The following CCDC66 variants were observed in gnomAD, a reference collection of about 807,000 sequenced individuals.
CCDC66 encodes coiled-coil domain-containing protein 66.
CCDC66 carries 133 observed loss-of-function variants against 128.3 expected under a neutral mutation model. The ratio of observed to expected loss-of-function variants is 1.04; its 90% confidence interval spans 0.90 to 1.20. The LOEUF (loss-of-function observed/expected upper bound fraction) is 1.20. CCDC66 is among the 50% of genes most tolerant of loss of function. The probability of loss-of-function intolerance (pLI) is 0.00; values close to 1 mark genes in which losing one functional copy is unlikely to be tolerated. For missense variants in CCDC66, 1,126 were observed against 1,075.5 expected, an observed-to-expected ratio of 1.05 and a Z score of -0.66; for synonymous variants, 387 against 357.0, an observed-to-expected ratio of 1.08 and a Z score of -0.95.
chr3:56,593,127 AAAAG>A (rs1455189492), intron 8 of CCDC66, 26 bp downstream of exon 8: 2 of 1,510,624 alleles, frequency 1.3e-6, no homozygotes, highest in African/African-American at 2.8e-5. Context: ...TTGTGGCTAT[AAAAG>A]AAAAAATAAA....
chr3:56,567,296 A>G lies in CCDC66; in HGVS notation c.814+243A>G, dbSNP rs548209564. ...TCCCAGCTACTCGGGAGGCTGAGGC[A>G]GGAGAATTGCTTGAACCTGGGAGGC... On this transcript the variant is annotated intron_variant, in intron 6 of 17. Transcript: ENST00000394672. 3.9e-3 allele frequency among the ~76,000 whole-genome samples: 587 copies of G among 152,300 alleles called. 3 individuals are homozygous for G. Among genetic ancestry groups the G allele is most frequent in the Middle Eastern group, 6.8e-3 (2 of 294 alleles).
chr3:56,560,806 A>G (rs1261673386), intron 3 of CCDC66: 16 of 435,566 alleles, frequency 3.7e-5, no homozygotes, highest in South Asian at 1.3e-4. Flanking sequence ...GATTAATATC[A>G]GTAGGAATTT....
chr3:56,617,982 T>C, intron 14 of CCDC66, 190 bp from the exon 15 acceptor site: 2 of 610,604 alleles, frequency 3.3e-6, no homozygotes, highest in Non-Finnish European at 5.8e-6. Flanking sequence ...TAGACAGAGG[T>C]TTGGGAGATT....
intron 7 of CCDC66, 42 bp downstream of exon 7, chr3:56,571,344 T>C (rs775427515): frequency 8.5e-6 from 11 of 1,301,190 alleles, no homozygotes; most frequent in Non-Finnish European, 8.5e-6. Flanking sequence ...CTAAGCAGTG[T>C]TCATATTATA....
At chr3:56,572,335 A>G (rs1052903872) in intron 7 of CCDC66, 5 of 1,287,232 alleles carry the variant, frequency 3.9e-6, no homozygotes, top group South Asian at 1.2e-5. Flanking sequence ...CACTTCTGCT[A>G]GCTCTTCAAG....
intron 7 of CCDC66, chr3:56,572,754 G>C (rs2066818453): frequency 1.3e-5 from 2 of 157,712 alleles, no homozygotes; most frequent in African/African-American, 2.4e-5. Flanking sequence ...ATGGCTGTCT[G>C]TTCTGCTTCA....
At chr3:56,588,468 A>T (rs1006057981) in intron 7 of CCDC66, among the ~76,000 whole-genome samples, 4 of 152,172 alleles carry the variant, frequency 2.6e-5, no homozygotes, top group East Asian at 3.8e-4. Flanking sequence ...AAATTTTTTT[A>T]AAAAGTAATT....
rs2065479121 is a variant in CCDC66, at chr3:56,564,169, ATG to A, written c.544+48_544+49del. On this transcript the variant is annotated intron_variant, in intron 4 of 17. Coordinates refer to ENST00000394672, the MANE Select transcript of CCDC66 (RefSeq NM_001141947.3). ...TTTCATGAATTTTGATTTTTTCAAT[ATG>A]TGTTTTAGAATATCAGATTCATTGG... 4.1e-6 allele frequency: 6 copies of A among 1,462,190 alleles called. No individual in the cohort carries two copies. In the East Asian group the frequency reaches 1.4e-4, roughly 33 times the overall value. 90.6% of individuals were successfully genotyped at this position (1,462,190 alleles called of 1,614,324 possible). A position where few individuals can be genotyped will look rare whatever the true frequency, so the allele number is the denominator to read the frequency against.
At position 56,619,806 on chromosome 3, in the gene CCDC66, TCTGA is replaced by T. The variant is rs775480511; in HGVS notation, c.2669_2672del (p.Asp890ValfsTer12). On this transcript the variant is annotated frameshift_variant, in exon 17 of 18. Transcript: ENST00000394672. LOFTEE classifies it high-confidence loss of function. ...TGGCCAAAAACGACAGCTATTTGAT[TCTGA>T]CTGTGTCAGGGATCCACTTCTTAAT... 802 of 1,614,146 alleles carry T rather than the reference TCTGA, an allele frequency of 5.0e-4. 1 individual carries two copies. Among genetic ancestry groups the T allele is most frequent in the Non-Finnish European group, 5.7e-4 (676 of 1,180,004 alleles).
intron 7 of CCDC66, among the ~76,000 whole-genome samples, chr3:56,580,030 T>C (rs1462842967): frequency 1.3e-5 from 2 of 151,730 alleles, no homozygotes; most frequent in East Asian, 2.0e-4. Context: ...CCCATTATTA[T>C]TGTGTGGGAG....
chr3:56,602,595 C>T (rs1410052962), intron 10 of CCDC66, among the ~76,000 whole-genome samples: 1 of 151,972 alleles, frequency 6.6e-6, no homozygotes, highest in African/African-American at 2.4e-5. Context: ...TGCTGTGAAT[C>T]CGTCTGGTCC....
At position 56,593,544 on chromosome 3, in the gene CCDC66, T is replaced by C. The variant is rs778359191; in HGVS notation, c.1122T>C (p.Pro374=). 8 of 1,614,054 alleles carry C rather than the reference T, an allele frequency of 5.0e-6. No individual in the cohort carries two copies. The African/African-American group carries it at 9.3e-5, about 19-fold the overall frequency. ...ACTTTGATTCATTAAAGAGTTATCC[T>C]GGTTCTCAATCTCAGCTGTTCTCTC... ...AMHFDSLKSY[P]GSQSQLFSQS... is the part of the protein sequence containing the mutation. The change falls in exon 9 of 18, where the codon CCT becomes CCC. Residue 374 remains proline (P), a synonymous_variant. Coordinates refer to ENST00000394672, the MANE Select transcript of CCDC66 (RefSeq NM_001141947.3).
chr3:56,620,124 G>A, intron 17 of CCDC66: 1 of 306,980 alleles, frequency 3.3e-6, no homozygotes, highest in Non-Finnish European at 5.9e-6. Context: ...GAAATCATCA[G>A]ACAGTTCTAA....
At chr3:56,583,998 G>C (rs1028192760) in intron 7 of CCDC66, among the ~76,000 whole-genome samples, 1 of 136,298 alleles carries the variant, frequency 7.3e-6, no homozygotes, top group South Asian at 2.3e-4. Context: ...CCCGGACGGG[G>C]CGGCTGGCCG....
At chr3:56,596,072 G>A (rs565847906) in intron 10 of CCDC66, among the ~76,000 whole-genome samples, 29 of 152,226 alleles carry the variant, frequency 1.9e-4, no homozygotes, top group African/African-American at 2.6e-4. Flanking sequence ...GCGCCACCAT[G>A]TCAGGCTAAT....
chr3:56,605,029 T>A (rs1487989453), intron 10 of CCDC66, among the ~76,000 whole-genome samples: 2 of 152,054 alleles, frequency 1.3e-5, no homozygotes, highest in Admixed American at 6.5e-5. Flanking sequence ...TGATCTTCAA[T>A]CACTGATACC....
In CCDC66 at chr3:56,582,853, TTATTATTA is replaced by T. The variant is rs1559663077; in HGVS notation, c.937-10115_937-10108del. On this transcript the variant is annotated intron_variant, in intron 7 of 17. Coordinates refer to ENST00000394672, the MANE Select transcript of CCDC66 (RefSeq NM_001141947.3). ...TTTTTTGACTTCTCAACTTTCTTTA[TTATTATTA>T]TTATTATTATTATTATTATTATTAT... is the stretch of plus-strand genomic sequence containing the variant. Among the ~76,000 whole-genome samples, 24 of 99,928 alleles carry T rather than the reference TTATTATTA, an allele frequency of 2.4e-4. No individual in the cohort carries two copies. In the South Asian group the frequency reaches 2.7e-3, roughly 11 times the overall value. 65.6% of individuals were successfully genotyped at this position (99,928 alleles called of 152,430 possible). A position where few individuals can be genotyped will look rare whatever the true frequency, so the allele number is the denominator to read the frequency against.
At chr3:56,614,468 T>C (rs979137837) in intron 11 of CCDC66, among the ~76,000 whole-genome samples, 1 of 152,330 alleles carries the variant, frequency 6.6e-6, no homozygotes, top group Admixed American at 6.5e-5. Context: ...ATGATACAAT[T>C]TGTGACTGTT....
rs1300532823 is a variant in CCDC66 at position 56,617,339 on chromosome 3, A to G, written c.2071A>G (p.Thr691Ala). ...CNQFTRIEKQ[T>A]KHMKKYPKRP... ...TCAGTTCACAAGAATAGAGAAACAA[A>G]CAAAACACATGAAGAAATATCCTAA... The change falls in exon 14 of 18, where the codon ACA becomes GCA. Residue 691 changes from threonine to alanine, a missense_variant. Coordinates refer to ENST00000394672, the MANE Select transcript of CCDC66 (RefSeq NM_001141947.3). 6.2e-7 allele frequency: 1 copy of G among 1,612,784 alleles called. No individual in the cohort carries two copies. Among genetic ancestry groups the G allele is most frequent in the Non-Finnish European group, 8.5e-7 (1 of 1,179,606 alleles).
Sources: gnomAD v4.1 joint callset for allele counts (sites outside exome capture counted in the v4.1 genomes callset) on GRCh38, gnomAD v4.1.1 for gene constraint, MANE v1.5 for transcripts, NCBI Gene and HGNC (gene_info 2026-07-23, HGNC 2026-07-21) for gene names.